The following CYSTM1 variants were observed in gnomAD, a reference collection of about 807,000 sequenced individuals.
CYSTM1 encodes cysteine-rich transmembrane module-containing protein 1.
CYSTM1 carries 4 observed loss-of-function variants against 13.1 expected under a neutral mutation model. The observed-to-expected ratio is 0.31, with a 90% CI of 0.15 to 0.70. The LOEUF is 0.70. CYSTM1 is among the 30% of genes least tolerant of loss of function. The pLI, the probability that CYSTM1 is intolerant of heterozygous loss-of-function variation, is 0.72. For missense variants in CYSTM1, 96 were observed against 121.6 expected (o/e 0.79, Z 0.99); for synonymous variants, 36 against 42.7 (o/e 0.84, Z 0.62).
intron 2 of CYSTM1, among the ~76,000 whole-genome samples, chr5:140,229,719 C>T (rs568222036): frequency 1.3e-5 from 2 of 151,320 alleles, no homozygotes; most frequent in Non-Finnish European, 2.9e-5. Context: ...TTTTTTGAGA[C>T]CTAGTTTTGC....
At chr5:140,195,402 T>C (rs1009187491) in intron 2 of CYSTM1, among the ~76,000 whole-genome samples, 1 of 151,580 alleles carries the variant, frequency 6.6e-6, no homozygotes, top group Non-Finnish European at 1.5e-5. Flanking sequence ...AGCCCTTTGG[T>C]TGGCAGAATA....
At chr5:140,242,512 C>T (rs1424498569) in intron 2 of CYSTM1, among the ~76,000 whole-genome samples, 2 of 152,130 alleles carry the variant, frequency 1.3e-5, no homozygotes, top group African/African-American at 4.8e-5. Context: ...TTTCAGTGGC[C>T]ACAGATTGAC....
chr5:140,181,317 C>A (rs1442016570), intron 1 of CYSTM1, among the ~76,000 whole-genome samples: 1 of 152,170 alleles, frequency 6.6e-6, no homozygotes, highest in Non-Finnish European at 1.5e-5. Flanking sequence ...CCTTCTGCCT[C>A]TTCCCCACTA....
intron 2 of CYSTM1, among the ~76,000 whole-genome samples, chr5:140,205,819 A>G (rs1224326073): frequency 6.6e-6 from 1 of 152,154 alleles, no homozygotes; most frequent in Non-Finnish European, 1.5e-5. Flanking sequence ...CCAGTTGCTG[A>G]GGGTCACTCC....
intron 2 of CYSTM1, among the ~76,000 whole-genome samples, chr5:140,226,661 G>A (rs1764561099): frequency 7.3e-6 from 1 of 136,746 alleles, no homozygotes; most frequent in Non-Finnish European, 1.5e-5. Context: ...AGCTACTTGG[G>A]AGGCTGAGGC....
chr5:140,218,752 T>A (rs756493047), intron 2 of CYSTM1, among the ~76,000 whole-genome samples: 3 of 152,188 alleles, frequency 2.0e-5, no homozygotes, highest in Non-Finnish European at 4.4e-5. Context: ...CTAAGTCAAG[T>A]GTGCTATATA....
chr5:140,186,378 A>G (rs920403072), intron 1 of CYSTM1, among the ~76,000 whole-genome samples: 1 of 152,216 alleles, frequency 6.6e-6, no homozygotes, highest in Admixed American at 6.5e-5. Context: ...AGTGTGCTTC[A>G]GCCATTAGAA....
At chr5:140,213,304 T>G (rs1335758376) in intron 2 of CYSTM1, among the ~76,000 whole-genome samples, 1 of 152,006 alleles carries the variant, frequency 6.6e-6, no homozygotes, top group Non-Finnish European at 1.5e-5. Context: ...TAGAAAAAGC[T>G]TATAGAATAA....
In CYSTM1 at chr5:140,230,823, G is replaced by A. The variant is rs1030200098; in HGVS notation, c.188-12482G>A. 1.3e-5 allele frequency among the ~76,000 whole-genome samples: 2 copies of A among 152,176 alleles called. No individual in the cohort carries two copies. Among genetic ancestry groups the A allele is most frequent in the South Asian group, 2.1e-4 (1 of 4,828 alleles). The stretch of plus-strand genomic sequence containing the variant: ...TGAGATGAGATTTGTCATATACCAC[G>A]TTCCCATATACGAATTAGAATATGA... On this transcript the variant is annotated intron_variant, in intron 2 of 2. Transcript: ENST00000261811. This position sits in a 1 kb window ranked among gnomAD's most constrained non-coding sequence, Gnocchi z 4.1.
chr5:140,216,901 C>T (rs1764434753), intron 2 of CYSTM1, among the ~76,000 whole-genome samples: 1 of 151,968 alleles, frequency 6.6e-6, no homozygotes, highest in Admixed American at 6.6e-5. Context: ...CACACACACA[C>T]ACAAAGAGCA....
intron 2 of CYSTM1, among the ~76,000 whole-genome samples, chr5:140,205,511 G>A (rs1214107788): frequency 6.6e-6 from 1 of 152,138 alleles, no homozygotes; most frequent in East Asian, 1.9e-4. Context: ...TTCTTTGCCA[G>A]GTATCAGATG....
chr5:140,234,626 T>C (rs17118753), intron 2 of CYSTM1, among the ~76,000 whole-genome samples: 4,244 of 152,276 alleles, frequency 0.028, 199 homozygotes, highest in African/African-American at 0.097. Flanking sequence ...TATGATTACA[T>C]TGGTGTCTTT....
At chr5:140,232,985 G>C (rs1217946155) in intron 2 of CYSTM1, among the ~76,000 whole-genome samples, 1 of 152,130 alleles carries the variant, frequency 6.6e-6, no homozygotes, top group Admixed American at 6.6e-5. Flanking sequence ...CCATGCCCTG[G>C]GGAGGTCCTT....
rs562994244 is a variant in CYSTM1 at position 140,212,337 on chromosome 5, G to A, written c.187+17685G>A. On this transcript the variant is annotated intron_variant, in intron 2 of 2. Transcript: ENST00000261811. ...GTGATGTCTTGGCCATCATGATATC[G>A]TCATAAAGTGATGTGTTACTCACAT... Among the ~76,000 whole-genome samples, 7 of 152,282 alleles carry A rather than the reference G, an allele frequency of 4.6e-5. 1 individual carries two copies. Among genetic ancestry groups the A allele is most frequent in the South Asian group, 2.1e-4 (1 of 4,828 alleles).
chr5:140,212,983 GTATA>G (rs150669111), intron 2 of CYSTM1, among the ~76,000 whole-genome samples: 8,791 of 114,252 alleles, frequency 0.077, 555 homozygotes, highest in Non-Finnish European at 0.1. Context: ...CAAAACAAAA[GTATA>G]TATATATATA....
intron 2 of CYSTM1, among the ~76,000 whole-genome samples, chr5:140,214,477 C>T (rs990750132): frequency 6.6e-6 from 1 of 152,184 alleles, no homozygotes; most frequent in Non-Finnish European, 1.5e-5. Context: ...GGGCTGAGAG[C>T]AGGCTGGGTT....
intron 1 of CYSTM1, among the ~76,000 whole-genome samples, chr5:140,192,888 G>A (rs1764109582): frequency 1.3e-5 from 2 of 152,312 alleles, no homozygotes; most frequent in African/African-American, 4.8e-5. Flanking sequence ...ACTACAGGAA[G>A]AATGAGCAGA....
At chr5:140,206,607 G>GTTGTTTGT (rs3083575) in intron 2 of CYSTM1, among the ~76,000 whole-genome samples, 3,989 of 149,386 alleles carry the variant, frequency 0.027, 94 homozygotes, top group African/African-American at 0.061. Flanking sequence ...GCTGAGCACT[G>GTTGTTTGT]TTGTTTGTTT....
At chr5:140,178,180 T>G (rs1763915581) in intron 1 of CYSTM1, among the ~76,000 whole-genome samples, 2 of 152,258 alleles carry the variant, frequency 1.3e-5, no homozygotes, top group Admixed American at 1.3e-4. Context: ...GCTGGAGCAT[T>G]TTGAGCTCAC....
Sources: allele counts gnomAD v4.1 joint callset (sites outside exome capture counted in the v4.1 genomes callset), GRCh38; gene constraint gnomAD v4.1.1; non-coding constraint Gnocchi (gnomAD v3.1); transcripts MANE v1.5; gene names NCBI Gene and HGNC (gene_info 2026-07-23, HGNC 2026-07-21).